NDUFA12: variants seen among roughly 807,000 people sequenced by gnomAD.
NDUFA12 encodes the protein NADH dehydrogenase [ubiquinone] 1 alpha subcomplex subunit 12.
NDUFA12 carries 17 observed loss-of-function variants against 20.3 expected under a neutral mutation model. The ratio of observed to expected loss-of-function variants is 0.84; its 90% CI spans 0.57 to 1.26. The LOEUF (loss-of-function observed/expected upper bound fraction) is 1.26, where lower values mean the gene tolerates loss of function less well. Among genes scored for constraint, NDUFA12 ranks in the 50% most tolerant of loss-of-function variants. The pLI, the probability that NDUFA12 is intolerant of heterozygous loss-of-function variation, is 0.00. For synonymous variants in NDUFA12, 72 were observed against 63.6 expected (o/e 1.13, Z -0.63); for missense variants, 191 against 183.7 (o/e 1.04, Z -0.23).
chr12:95,002,166 A>G (rs925293790), intron 2 of NDUFA12, among the ~76,000 whole-genome samples: 2 of 150,324 alleles, frequency 1.3e-5, no homozygotes, highest in Non-Finnish European at 3.0e-5. Context: ...TCAAGGCTGG[A>G]CGCAGTGGCT....
intron 3 of NDUFA12, among the ~76,000 whole-genome samples, chr12:94,973,072 A>G (rs889769787): frequency 6.6e-6 from 1 of 152,126 alleles, no homozygotes; most frequent in African/African-American, 2.4e-5. Context: ...GGACAAGAGG[A>G]GGATGTTTCA....
chr12:94,998,720 C>G (rs903173710), intron 2 of NDUFA12, among the ~76,000 whole-genome samples: 1 of 152,114 alleles, frequency 6.6e-6, no homozygotes, highest in Admixed American at 6.6e-5. Context: ...AGAACTCCAT[C>G]CCTTTTACAC....
rs1873885352 is a variant in NDUFA12, at chr12:94,971,509, T to C, written c.369A>G (p.Gln123=). 1.2e-6 allele frequency: 2 copies of C among 1,614,078 alleles called. No homozygotes were observed. The highest frequency in any genetic ancestry group is 1.7e-6 in the Non-Finnish European group (2 of 1,180,044). The stretch of plus-strand genomic sequence containing the variant: ...TTCTAGTGGTAGAATAAGGTACATA[T>C]TGTTCTGGGGTGCCAGTCACGTTGA... ...HKFNVTGTPE[Q]YVPYSTTRKK... Residue 123 remains glutamine (Q), a synonymous_variant, in exon 4 of 4, where the codon CAA becomes CAG. Coordinates refer to ENST00000327772, the MANE Select transcript of NDUFA12 (RefSeq NM_018838.5).
intron 3 of NDUFA12, among the ~76,000 whole-genome samples, chr12:94,984,356 C>A (rs972625397): frequency 2.6e-5 from 4 of 152,074 alleles, no homozygotes; most frequent in Non-Finnish European, 5.9e-5. Flanking sequence ...GGTGTGGTGG[C>A]TCATGCCTGT....
At chr12:94,974,045 C>T (rs1302728345) in intron 3 of NDUFA12, among the ~76,000 whole-genome samples, 3 of 145,376 alleles carry the variant, frequency 2.1e-5, no homozygotes, top group African/African-American at 7.7e-5. Context: ...TATCTTGGCT[C>T]ACTGCAACCT....
intron 3 of NDUFA12, among the ~76,000 whole-genome samples, chr12:94,975,004 TAA>T (rs1490195347): frequency 6.6e-6 from 1 of 152,098 alleles, no homozygotes; most frequent in Admixed American, 6.5e-5. Context: ...TTAAAACAAC[TAA>T]AAGAGTATAA....
chr12:94,995,363 A>C (rs1874786855), intron 2 of NDUFA12, among the ~76,000 whole-genome samples: 1 of 152,212 alleles, frequency 6.6e-6, no homozygotes, highest in Admixed American at 6.5e-5. Context: ...AGGCAGATGG[A>C]GGAGACCTTG....
intron 3 of NDUFA12, among the ~76,000 whole-genome samples, chr12:94,975,906 C>A (rs1453702252): frequency 6.6e-6 from 1 of 151,954 alleles, no homozygotes; most frequent in Non-Finnish European, 1.5e-5. Flanking sequence ...ATTAGCCAGG[C>A]ATGGTGGCAG....
intron 3 of NDUFA12, among the ~76,000 whole-genome samples, chr12:94,975,670 G>C (rs1163429231): frequency 6.6e-6 from 1 of 152,094 alleles, no homozygotes; most frequent in Non-Finnish European, 1.5e-5. Flanking sequence ...TGAAAGAATG[G>C]AAAGAACAAA....
rs780153938 is a variant in NDUFA12 at position 95,003,593 on chromosome 12, A to G, written c.86+2T>C. On this transcript the variant is annotated splice_donor_variant, in intron 1 of 3. Transcript: ENST00000327772. LOFTEE classifies it high-confidence loss of function. The stretch of plus-strand genomic sequence containing the variant: ...GCCAAGAGCATGGCTCTGGCCGCCT[A>G]CCTGAAAAAAACCCGTAGATAGCCT... 3.7e-6 allele frequency: 6 copies of G among 1,613,956 alleles called. No homozygotes were observed. The highest frequency in any genetic ancestry group is 1.1e-5 in the South Asian group (1 of 91,076).
At chr12:94,971,959 G>T (rs1367823909) in intron 3 of NDUFA12, among the ~76,000 whole-genome samples, 1 of 151,742 alleles carries the variant, frequency 6.6e-6, no homozygotes. Flanking sequence ...GTCTCACTCT[G>T]TCACCCAGGC....
chr12:94,972,822 C>A (rs964877318), intron 3 of NDUFA12, among the ~76,000 whole-genome samples: 2 of 152,114 alleles, frequency 1.3e-5, no homozygotes, highest in Non-Finnish European at 2.9e-5. Flanking sequence ...AGGGAAGAGA[C>A]CACCGATGCT....
chr12:94,996,477 AT>A (rs1208020274), intron 2 of NDUFA12, among the ~76,000 whole-genome samples: 7 of 150,766 alleles, frequency 4.6e-5, no homozygotes, highest in Non-Finnish European at 7.4e-5. Context: ...CCAGGCCCTA[AT>A]TTTTTTTTAA....
At chr12:94,976,744 A>G (rs1874076125) in intron 3 of NDUFA12, among the ~76,000 whole-genome samples, 1 of 152,238 alleles carries the variant, frequency 6.6e-6, no homozygotes. Context: ...GTGGTGGGAT[A>G]ACAGGCTATT....
intron 2 of NDUFA12, among the ~76,000 whole-genome samples, chr12:95,002,028 C>T (rs1357041602): frequency 6.6e-6 from 1 of 151,672 alleles, no homozygotes; most frequent in African/African-American, 2.4e-5. Flanking sequence ...AGTGGAAGTG[C>T]TGAGACAAAG....
chr12:94,989,564 T>C (rs1411318564), intron 3 of NDUFA12, among the ~76,000 whole-genome samples: 1 of 152,170 alleles, frequency 6.6e-6, no homozygotes, highest in Non-Finnish European at 1.5e-5. Context: ...CCTAAAAAGA[T>C]TCATCACAAG....
chr12:94,978,387 G>A (rs1181788777), intron 3 of NDUFA12, among the ~76,000 whole-genome samples: 2 of 152,192 alleles, frequency 1.3e-5, no homozygotes, highest in Non-Finnish European at 2.9e-5. Flanking sequence ...ATGGAGAAAC[G>A]AAAGCAGGAT....
At chr12:94,996,025 T>C (rs11107853) in intron 2 of NDUFA12, among the ~76,000 whole-genome samples, 1,901 of 151,252 alleles carry the variant, frequency 0.013, 88 homozygotes, top group East Asian at 0.097. Flanking sequence ...CTGGGCAACA[T>C]AGTGAAACCT....
Position 94,996,763 on chromosome 12 carries a change from G to A in NDUFA12, c.170-2506C>T, listed in dbSNP as rs566933631. 252 of 182,380 alleles carry A rather than the reference G, an allele frequency of 1.4e-3. 3 individuals carry two copies. Among genetic ancestry groups the A allele is most frequent in the Admixed American group, 2.1e-3 (33 of 15,466 alleles). The allele number at this position is 182,380 out of a possible 1,614,324, so 11.3% of individuals were successfully genotyped here. A position where few individuals can be genotyped will look rare whatever the true frequency, so the allele number is the denominator to read the frequency against. ...GAACCTGGGAGGTGGAGGTTGCAGC[G>A]AGCCAAGATCGTGCCATGGCACTCC... On this transcript the variant is annotated intron_variant, in intron 2 of 3. Transcript: ENST00000327772.
Sources: allele counts gnomAD v4.1 joint callset (sites outside exome capture counted in the v4.1 genomes callset), GRCh38; gene constraint gnomAD v4.1.1; transcripts MANE v1.5; gene names NCBI Gene and HGNC (gene_info 2026-07-23, HGNC 2026-07-21).